TMEM176B: variants seen among roughly 807,000 people sequenced by gnomAD.
TMEM176B encodes transmembrane protein 176B, also known as LR8-like protein.
In TMEM176B, 28 loss-of-function variants were observed where a neutral mutation model predicts 30.3. The observed-to-expected ratio is 0.92, with a 90% CI of 0.68 to 1.27. TMEM176B has a LOEUF of 1.27. Among genes scored for constraint, TMEM176B ranks in the 50% most tolerant of loss-of-function variants. The pLI is 0.00. For missense variants in TMEM176B, 349 were observed against 327.4 expected, an observed-to-expected ratio of 1.07 and a Z score of -0.51; for synonymous variants, 123 against 130.3, an observed-to-expected ratio of 0.94 and a Z score of 0.38.
At position 150,791,406 on chromosome 7, in the gene TMEM176B, G is replaced by C; in HGVS notation, c.*125C>G. The C allele has an allele frequency of 1.5e-6, 1 of 684,888 alleles. No individual in the cohort carries two copies. Among genetic ancestry groups the C allele is most frequent in the Non-Finnish European group, 2.5e-6 (1 of 401,518 alleles). 42.4% of individuals were successfully genotyped at this position (684,888 alleles called of 1,614,324 possible). On this transcript the variant is annotated 3_prime_UTR_variant, in exon 7 of 7. Coordinates refer to ENST00000326442, the MANE Select transcript of TMEM176B (RefSeq NM_001101312.2). The stretch of plus-strand genomic sequence containing the variant: ...GAGTGGGAACAGCAGGTGCGGATGT[G>C]GGGAGAAGAAAGGAGGAGGGTCTGG...
chr7:150,793,057 G>A (rs936626719), intron 5 of TMEM176B, 31 bp downstream of exon 5: 1 of 1,608,480 alleles, frequency 6.2e-7, no homozygotes, highest in African/African-American at 1.3e-5. Context: ...AGCTGTGATG[G>A]GTCCCCGAAG....
chr7:150,795,003 C>T (rs558455885), intron 2 of TMEM176B, among the ~76,000 whole-genome samples: 9 of 152,068 alleles, frequency 5.9e-5, no homozygotes, highest in Admixed American at 5.2e-4. Flanking sequence ...TGGTCACCCA[C>T]ACTTCAACCC....
rs75858983 is a variant in TMEM176B, at chr7:150,792,128, C to G, written c.648G>C (p.Leu216Phe). ...AGGAAACCAAGGACACAATGACCTT[C>G]AAGACACAGACAGCCAGGAACAGGG... ...IRALFLAVCV[L>F]KVIVSLVSLG... is the part of the protein sequence containing the mutation. Residue 216 changes from leucine (L) to phenylalanine (F), a missense_variant, in exon 6 of 7, where the codon TTG (leucine) becomes TTC (phenylalanine). Transcript: ENST00000326442. The G allele has an allele frequency of 6.2e-7, 1 of 1,614,040 alleles. No homozygotes were observed. Among genetic ancestry groups the G allele is most frequent in the Non-Finnish European group, 8.5e-7 (1 of 1,179,972 alleles).
chr7:150,795,652 C>T (rs1435279893), intron 2 of TMEM176B, among the ~76,000 whole-genome samples: 10 of 152,196 alleles, frequency 6.6e-5, no homozygotes, highest in Admixed American at 6.5e-4. Flanking sequence ...TCAATAAAAC[C>T]GAATTAACAG....
upstream of TMEM176B, chr7:150,800,894 G>T: frequency 7.1e-6 from 7 of 985,276 alleles, no homozygotes; most frequent in Non-Finnish European, 8.4e-6. Flanking sequence ...AGCTGCCTCC[G>T]CACAGTTGGA....
At chr7:150,793,057 G>C (rs936626719) in intron 5 of TMEM176B, 31 bp downstream of exon 5, 9 of 1,608,480 alleles carry the variant, frequency 5.6e-6, no homozygotes, top group Non-Finnish European at 7.7e-6. Context: ...AGCTGTGATG[G>C]GTCCCCGAAG....
At position 150,791,527 on chromosome 7, in the gene TMEM176B, C is replaced by T. The variant is rs10216250; in HGVS notation, c.*4G>A. The T allele has an allele frequency of 1.6e-5, 26 of 1,612,570 alleles. 1 individual carries two copies. Among genetic ancestry groups the T allele is most frequent in the South Asian group, 8.8e-5 (8 of 90,998 alleles). On this transcript the variant is annotated 3_prime_UTR_variant, in exon 7 of 7. Transcript: ENST00000326442. ...TGCGGGCACCCCGTGGGGTCTTTGGCAGCTCACAGGACAATGGCAGTGGAG... is the reference window on the plus strand; with the variant it reads ...TGCGGGCACCCCGTGGGGTCTTTGGTAGCTCACAGGACAATGGCAGTGGAG...
chr7:150,800,908 G>C, upstream of TMEM176B: 1 of 985,674 alleles, frequency 1.0e-6, no homozygotes, highest in Non-Finnish European at 1.2e-6. Flanking sequence ...AGTTGGAGGA[G>C]CGTAGGAGGG....
intron 3 of TMEM176B, 69 bp from the exon 4 acceptor site, chr7:150,793,669 C>T (rs368313325): frequency 2.0e-5 from 30 of 1,522,472 alleles, no homozygotes; most frequent in Non-Finnish European, 2.6e-5. Context: ...ACCCTCCCAC[C>T]AGCAGTTCCC....
rs140121735 is a variant in TMEM176B, at chr7:150,793,970, C to T, written c.306G>A (p.Ala102=). 221 of 1,606,522 alleles carry T rather than the reference C, an allele frequency of 1.4e-4. 2 individuals are homozygous for T. In the East Asian group the frequency reaches 1.9e-3, roughly 14 times the overall value. Residue 102 remains alanine (A), a synonymous_variant, in exon 3 of 7, where the codon GCG becomes GCA. Coordinates refer to ENST00000326442, the MANE Select transcript of TMEM176B (RefSeq NM_001101312.2). ...VLSASGCAFW[A]GSVVIAAGAG... Reference sequence around the variant, plus strand: ...CCTGTTCCTTACTCACCACAGACCCCGCCCAGAAGGCACAGCCTGAGGCAC... The same window carrying T: ...CCTGTTCCTTACTCACCACAGACCCTGCCCAGAAGGCACAGCCTGAGGCAC...
chr7:150,792,548 G>A (rs1798355815), intron 5 of TMEM176B, among the ~76,000 whole-genome samples: 1 of 152,202 alleles, frequency 6.6e-6, no homozygotes, highest in South Asian at 2.1e-4. Flanking sequence ...TCTGTGCTAT[G>A]AGAAGCCCAA....
intron 5 of TMEM176B, among the ~76,000 whole-genome samples, chr7:150,792,703 G>A (rs1414108270): frequency 6.6e-6 from 1 of 152,130 alleles, no homozygotes; most frequent in Non-Finnish European, 1.5e-5. Context: ...GAGAAAACCC[G>A]TGAGTGAGAA....
At chr7:150,793,684 T>G in intron 3 of TMEM176B, 84 bp from the exon 4 acceptor site, 1 of 1,457,232 alleles carries the variant, frequency 6.9e-7, no homozygotes. Flanking sequence ...GTTCCCAGAA[T>G]AGCCAATGTG....
intron 2 of TMEM176B, among the ~76,000 whole-genome samples, chr7:150,795,608 G>T (rs113645572): frequency 0.025 from 3,847 of 152,238 alleles, 73 homozygotes; most frequent in Non-Finnish European, 0.038. Flanking sequence ...TGAACACATT[G>T]CCTTGCACCT....
In TMEM176B at chr7:150,795,119, T is replaced by C. The variant is rs111822636; in HGVS notation, c.205-1048A>G. 8.0e-3 allele frequency among the ~76,000 whole-genome samples: 1,224 copies of C among 152,286 alleles called. 24 individuals are homozygous for C. Among genetic ancestry groups the C allele is most frequent in the African/African-American group, 0.028 (1,143 of 41,548 alleles). ...GGGACTCCTTTGTCTCCTCACCATT[T>C]CTGCTATGATTATGTGAGTGCAGAT... On this transcript the variant is annotated intron_variant, in intron 2 of 6. Transcript: ENST00000326442.
At chr7:150,796,807 A>G (rs906969964) in intron 1 of TMEM176B, 1 of 491,260 alleles carries the variant, frequency 2.0e-6, no homozygotes, top group Non-Finnish European at 3.7e-6. Flanking sequence ...AAAAATACAA[A>G]AATCCGCACG....
chr7:150,799,009 C>T (rs1219352839), intron 1 of TMEM176B, among the ~76,000 whole-genome samples: 1 of 152,078 alleles, frequency 6.6e-6, no homozygotes, highest in East Asian at 1.9e-4. Context: ...AAGGACTTCC[C>T]CGTTTCGAGA....
rs763696001 is a variant in TMEM176B at position 150,796,366 on chromosome 7, C to T, written c.204G>A (p.Gly68=). Residue 68 remains glycine (G), a splice_region_variant and synonymous_variant, in exon 2 of 7, where the codon GGG becomes GGA. Coordinates refer to ENST00000326442, the MANE Select transcript of TMEM176B (RefSeq NM_001101312.2). ...CAACCCCGCACCACCCCAGTCTTACCCCTAGAGCCAGCTGCTCATAACCAA... is the reference window on the plus strand; with the variant it reads ...CAACCCCGCACCACCCCAGTCTTACTCCTAGAGCCAGCTGCTCATAACCAA... The part of the protein sequence containing the change: ...ARIGYEQLAL[G]VTQILLGVVS... 1.5e-5 allele frequency: 24 copies of T among 1,614,158 alleles called. No individual in the cohort carries two copies. Among genetic ancestry groups the T allele is most frequent in the Non-Finnish European group, 2.0e-5 (24 of 1,180,024 alleles).
chr7:150,793,469 G>A (rs1304748106), intron 4 of TMEM176B, 75 bp downstream of exon 4: 1 of 1,570,424 alleles, frequency 6.4e-7, no homozygotes. Flanking sequence ...CAACCAAAGG[G>A]CAGAAGACAG....
Sources: allele counts gnomAD v4.1 joint callset (sites outside exome capture counted in the v4.1 genomes callset), GRCh38; gene constraint gnomAD v4.1.1; transcripts MANE v1.5; gene names NCBI Gene and HGNC (gene_info 2026-07-23, HGNC 2026-07-21).